Variants in MEAF6 observed in about 807,000 individuals in gnomAD.
The protein encoded by MEAF6 is chromatin modification-related protein MEAF6.
Under a neutral mutation model 28.9 loss-of-function variants are expected in MEAF6, and 15 were observed. The ratio of observed to expected loss-of-function variants is 0.52; its 90% CI spans 0.35 to 0.80. The LOEUF (loss-of-function observed/expected upper bound fraction) is 0.80, where lower values mean the gene tolerates loss of function less well. Among genes scored for constraint, MEAF6 ranks in the 30% least tolerant of loss-of-function variants. MEAF6 has a pLI of 0.01. For synonymous variants in MEAF6, 97 were observed against 88.7 expected, an observed-to-expected ratio of 1.09 and a Z score of -0.53; for missense variants, 178 against 237.5, an observed-to-expected ratio of 0.75 and a Z score of 1.65.
intron 4 of MEAF6, among the ~76,000 whole-genome samples, chr1:37,507,819 C>G (rs1470130035): frequency 6.7e-6 from 1 of 148,604 alleles, no homozygotes; most frequent in Non-Finnish European, 1.5e-5. Context: ...AGCGAGACTC[C>G]GTCTTAAAAA....
intron 6 of MEAF6, among the ~76,000 whole-genome samples, chr1:37,495,083 C>T (rs138198127): frequency 1.3e-5 from 2 of 151,978 alleles, no homozygotes; most frequent in African/African-American, 4.8e-5. Flanking sequence ...GCCTGTAATC[C>T]CAGCACTTTG....
intron 5 of MEAF6, among the ~76,000 whole-genome samples, chr1:37,498,328 A>G (rs1642185424): frequency 6.6e-6 from 1 of 152,130 alleles, no homozygotes; most frequent in Non-Finnish European, 1.5e-5. Context: ...AATAGACTGT[A>G]TCTAGTTAAT....
At position 37,493,901 on chromosome 1, in the gene MEAF6, A is replaced by G. The variant is rs1642026205; in HGVS notation, c.*198T>C. The G allele has an allele frequency of 6.3e-7, 1 of 1,585,220 alleles. No homozygotes were observed. Among genetic ancestry groups the G allele is most frequent in the Non-Finnish European group, 8.6e-7 (1 of 1,167,622 alleles). ...CTGCAGTTCTGTTACTAAAAATGACATAAAGTAAGACCCAATGTCTTACAG... is the reference window on the plus strand; with the variant it reads ...CTGCAGTTCTGTTACTAAAAATGACGTAAAGTAAGACCCAATGTCTTACAG... On this transcript the variant is annotated 3_prime_UTR_variant, in exon 7 of 7. Transcript: ENST00000296214.
intron 4 of MEAF6, among the ~76,000 whole-genome samples, chr1:37,505,516 T>C (rs913074026): frequency 6.6e-6 from 1 of 152,256 alleles, no homozygotes; most frequent in African/African-American, 2.4e-5. Flanking sequence ...TCATCAGCTA[T>C]AGTGTTAGTA....
In MEAF6 at chr1:37,490,933, G is replaced by A. The variant is rs943056716; in HGVS notation, c.*3166C>T. On this transcript the variant is annotated 3_prime_UTR_variant, in exon 7 of 7. Transcript: ENST00000296214. ...TCTCAGCTACTCGAGAGGCTGAGGC[G>A]GAATAATTGCTTGAACCCTGGAGGC... is the stretch of plus-strand genomic sequence containing the variant. Among the ~76,000 whole-genome samples the A allele has an allele frequency of 4.6e-5, 7 of 152,048 alleles. No homozygotes were observed. Among genetic ancestry groups the A allele is most frequent in the Non-Finnish European group, 7.4e-5 (5 of 68,014 alleles).
intron 6 of MEAF6, among the ~76,000 whole-genome samples, chr1:37,494,631 G>C (rs1382680425): frequency 1.3e-5 from 2 of 151,800 alleles, no homozygotes; most frequent in Non-Finnish European, 2.9e-5. Flanking sequence ...AGGAGCTCGA[G>C]ACCAGCCTGG....
chr1:37,494,834 C>A (rs564755855), intron 6 of MEAF6, among the ~76,000 whole-genome samples: 40 of 150,050 alleles, frequency 2.7e-4, no homozygotes, highest in African/African-American at 9.1e-4. Flanking sequence ...CTGTCACACA[C>A]ACAAAAAAAA....
At chr1:37,508,274 C>CTTTTTTT (rs577291632) in intron 4 of MEAF6, among the ~76,000 whole-genome samples, 1 of 83,878 alleles carries the variant, frequency 1.2e-5, no homozygotes. Flanking sequence ...ATGAGCATTT[C>CTTTTTTT]TTTTTTTTTT....
At chr1:37,507,453 TAAA>T (rs34744420) in intron 4 of MEAF6, among the ~76,000 whole-genome samples, 1 of 129,224 alleles carries the variant, frequency 7.7e-6, no homozygotes, top group Non-Finnish European at 1.7e-5. Context: ...AAGTAAGATT[TAAA>T]AAAAAAAAAA....
At chr1:37,506,061 A>G (rs754929728) in intron 4 of MEAF6, among the ~76,000 whole-genome samples, 3 of 152,238 alleles carry the variant, frequency 2.0e-5, no homozygotes, top group Non-Finnish European at 2.9e-5. Flanking sequence ...TCACGAGGTC[A>G]GGAGTTCAAG....
intron 5 of MEAF6, among the ~76,000 whole-genome samples, chr1:37,499,101 T>G (rs1315525872): frequency 6.6e-6 from 1 of 151,922 alleles, no homozygotes; most frequent in Non-Finnish European, 1.5e-5. Flanking sequence ...CAATGACCCA[T>G]GATCTCACCA....
intron 4 of MEAF6, among the ~76,000 whole-genome samples, chr1:37,508,050 T>A (rs867088629): frequency 1.3e-5 from 2 of 151,764 alleles, no homozygotes; most frequent in Middle Eastern, 3.4e-3. Flanking sequence ...CGAGAACAGG[T>A]CGTATTTCAA....
chr1:37,503,641 ACAGAG>A (rs2148074748), intron 4 of MEAF6, among the ~76,000 whole-genome samples: 1 of 149,142 alleles, frequency 6.7e-6, no homozygotes, highest in South Asian at 2.2e-4. Context: ...AGCCTGGGCA[ACAGAG>A]CAAGACTGTC....
chr1:37,508,545 A>T (rs193142831), intron 4 of MEAF6, among the ~76,000 whole-genome samples: 1 of 151,998 alleles, frequency 6.6e-6, no homozygotes. Context: ...TCTCCATTCC[A>T]AAGTGCAGGG....
chr1:37,496,048 A>C (rs1642122075), intron 5 of MEAF6, 130 bp from the exon 6 acceptor site: 1 of 725,006 alleles, frequency 1.4e-6, no homozygotes, highest in African/African-American at 1.8e-5. Flanking sequence ...TCTTCATTAG[A>C]CTATGTCATA....
chr1:37,510,792 G>A (rs796174494), intron 2 of MEAF6, among the ~76,000 whole-genome samples: 15 of 152,032 alleles, frequency 9.9e-5, no homozygotes, highest in African/African-American at 2.2e-4. Flanking sequence ...GCGCGAGCTC[G>A]GCTCACTGCA....
In MEAF6 at chr1:37,514,703, G is replaced by T; in HGVS notation, c.44C>A (p.Thr15Asn). The T allele has an allele frequency of 6.5e-7, 1 of 1,543,272 alleles. No individual in the cohort carries two copies. Among genetic ancestry groups the T allele is most frequent in the Non-Finnish European group, 8.7e-7 (1 of 1,149,598 alleles). Reference sequence around the variant, plus strand: ...CACGAGCTCCGCCAGCTCCCGCCGGGTGTCCGGGATCTGCGGCGGCGCCGC... The same window carrying T: ...CACGAGCTCCGCCAGCTCCCGCCGGTTGTCCGGGATCTGCGGCGGCGCCGC... ...NKAAPPQIPDTRRELAELVKR... is the reference protein window; with the variant it reads ...NKAAPPQIPDNRRELAELVKR... The change falls in exon 1 of 7, where the codon ACC becomes AAC. Residue 15 changes from threonine (T) to asparagine (N), a missense_variant. Transcript: ENST00000296214.
intron 4 of MEAF6, among the ~76,000 whole-genome samples, chr1:37,503,025 C>T (rs545855207): frequency 5.9e-5 from 9 of 152,280 alleles, no homozygotes; most frequent in South Asian, 4.1e-4. Flanking sequence ...TCATGGCAGC[C>T]TCAAACTCCT....
chr1:37,493,846 T>C lies in MEAF6; in HGVS notation c.*253A>G, dbSNP rs1642022597. 1.3e-6 allele frequency: 2 copies of C among 1,551,198 alleles called. No homozygotes were observed. Among genetic ancestry groups the C allele is most frequent in the South Asian group, 2.4e-5 (2 of 84,186 alleles). The stretch of plus-strand genomic sequence containing the variant: ...AGGGAGAAACGCACAGTTAGCAACT[T>C]GCTGGGATTACAACATTGTCTTCAT... On this transcript the variant is annotated 3_prime_UTR_variant, in exon 7 of 7. Transcript: ENST00000296214.
Sources: allele counts gnomAD v4.1 joint callset (sites outside exome capture counted in the v4.1 genomes callset), GRCh38; gene constraint gnomAD v4.1.1; transcripts MANE v1.5; gene names NCBI Gene and HGNC (gene_info 2026-07-23, HGNC 2026-07-21).